TBC1D1: variants seen among roughly 807,000 people sequenced by gnomAD.
TBC1D1 encodes the protein TBC1 domain family member 1, also known as TBC1 (tre-2/USP6, BUB2, cdc16) domain family, member 1.
Under a neutral mutation model 125.6 loss-of-function variants are expected in TBC1D1, and 89 were observed. That is an observed-to-expected ratio of 0.71 (90% CI 0.60 to 0.85). TBC1D1 has a LOEUF of 0.85. TBC1D1 is among the 40% of genes least tolerant of loss of function. The probability of loss-of-function intolerance (pLI) is 0.00; values close to 1 mark genes in which losing one functional copy is unlikely to be tolerated. For synonymous variants in TBC1D1, 565 were observed against 564.1 expected (o/e 1.00, Z -0.02); for missense variants, 1,377 against 1,469.2 (o/e 0.94, Z 1.03).
At chr4:38,111,118 C>T (rs548984542) in intron 15 of TBC1D1, among the ~76,000 whole-genome samples, 3 of 152,356 alleles carry the variant, frequency 2.0e-5, no homozygotes, top group East Asian at 3.9e-4. Flanking sequence ...TCAGCACTAG[C>T]TTAGTACCTC....
At chr4:38,128,654 G>T (rs1765056829) in intron 18 of TBC1D1, among the ~76,000 whole-genome samples, 1 of 152,180 alleles carries the variant, frequency 6.6e-6, no homozygotes. Context: ...GGTGGCCAAG[G>T]ACAGGGCTCT....
intron 17 of TBC1D1, chr4:38,119,831 AT>A (rs1444792620): frequency 2.3e-6 from 1 of 427,046 alleles, no homozygotes; most frequent in Non-Finnish European, 3.1e-6. Context: ...AGTGAAGAAA[AT>A]TCTACCAAGG....
intron 12 of TBC1D1, among the ~76,000 whole-genome samples, chr4:38,075,718 G>A (rs1413257249): frequency 6.6e-6 from 1 of 152,154 alleles, no homozygotes; most frequent in African/African-American, 2.4e-5. Context: ...TGAGAGGAGG[G>A]AGGGTGGAGG....
chr4:38,066,155 TA>T (rs1342139953), intron 12 of TBC1D1, among the ~76,000 whole-genome samples: 1 of 152,164 alleles, frequency 6.6e-6, no homozygotes, highest in Non-Finnish European at 1.5e-5. Context: ...TTAGTGCTTG[TA>T]CAGTAATGGG....
At chr4:37,947,931 A>G (rs1727049755) in intron 2 of TBC1D1, among the ~76,000 whole-genome samples, 1 of 152,208 alleles carries the variant, frequency 6.6e-6, no homozygotes, top group South Asian at 2.1e-4. Flanking sequence ...AAATAAAAGA[A>G]CAGGGCCTGC....
At chr4:38,057,150 C>G (rs932113442) in intron 12 of TBC1D1, among the ~76,000 whole-genome samples, 1 of 152,134 alleles carries the variant, frequency 6.6e-6, no homozygotes, top group African/African-American at 2.4e-5. Flanking sequence ...TCTAGAGACC[C>G]CTGTCAGCGC....
rs1751231949 is a variant in TBC1D1, at chr4:38,054,125, A to T, written c.1911-74A>T. ...TAGTTGATAATTTAGTGATTTGTTT[A>T]AAAAAATGTTAAGCTAACAAAATCC... On this transcript the variant is annotated intron_variant, in intron 11 of 19. Transcript: ENST00000261439. 6.1e-6 allele frequency: 9 copies of T among 1,485,314 alleles called. No individual in the cohort carries two copies. In the Admixed American group the frequency reaches 9.1e-5, roughly 15 times the overall value. The allele number at this position is 1,485,314 out of a possible 1,614,324, so 92.0% of individuals were successfully genotyped here. A position where few individuals can be genotyped will look rare whatever the true frequency, so the allele number is the denominator to read the frequency against.
rs761054666 is a variant in TBC1D1, at chr4:38,089,917, C to A, written c.2051-15C>A. 1.3e-6 allele frequency: 2 copies of A among 1,548,182 alleles called. No individual in the cohort carries two copies. Among genetic ancestry groups the A allele is most frequent in the South Asian group, 2.5e-5 (2 of 81,168 alleles). ...TTGAAAAATGACAATTCTGGAATGCCGTCTCCCTTTCCAGATTATTCAGAG... is the reference window on the plus strand; with the variant it reads ...TTGAAAAATGACAATTCTGGAATGCAGTCTCCCTTTCCAGATTATTCAGAG... On this transcript the variant is annotated splice_polypyrimidine_tract_variant and intron_variant, in intron 12 of 19. Transcript: ENST00000261439.
At chr4:38,011,298 A>G (rs1439835848) in intron 2 of TBC1D1, among the ~76,000 whole-genome samples, 1 of 151,404 alleles carries the variant, frequency 6.6e-6, no homozygotes, top group Middle Eastern at 3.4e-3. Flanking sequence ...GGTTGCAGTG[A>G]GCTGAGATCG....
chr4:38,065,271 G>T (rs1753508938), intron 12 of TBC1D1, among the ~76,000 whole-genome samples: 1 of 152,146 alleles, frequency 6.6e-6, no homozygotes, highest in Admixed American at 6.6e-5. Flanking sequence ...ATTTCTGTCA[G>T]CTGTTTGCAA....
chr4:38,053,129 G>A (rs879251866), intron 11 of TBC1D1: 50 of 1,522,032 alleles, frequency 3.3e-5, no homozygotes, highest in African/African-American at 4.2e-5. Flanking sequence ...AATGCCCTGC[G>A]GAAAAAACTT....
intron 2 of TBC1D1, among the ~76,000 whole-genome samples, chr4:37,987,026 G>T (rs1377445752): frequency 1.3e-5 from 2 of 152,164 alleles, no homozygotes. Flanking sequence ...GAGTGCTCCT[G>T]TTTCCCGGAA....
Position 38,089,995 on chromosome 4 carries a change from C to T in TBC1D1, c.2114C>T (p.Pro705Leu). 1.2e-6 allele frequency: 2 copies of T among 1,613,930 alleles called. No individual in the cohort carries two copies. Among genetic ancestry groups the T allele is most frequent in the Non-Finnish European group, 1.7e-6 (2 of 1,179,950 alleles). ...TTAGAACCAGTTTGTGAAGATGGGC[C>T]CTTTGGCCCCCCACCAGAGGAAAAG... is the stretch of plus-strand genomic sequence containing the variant. The change falls in exon 13 of 20, where the codon CCC becomes CTC. Residue 705 changes from proline to leucine, a missense_variant. By Grantham distance (98) the Pro-to-Leu change is moderately conservative (BLOSUM62 -3). Around this residue, in one of 3 missense-constraint regions of TBC1D1, gnomAD observed 543 missense variants for 613.5 expected, o/e 0.89. Transcript: ENST00000261439.
At position 38,084,548 on chromosome 4, in the gene TBC1D1, A is replaced by G. The variant is rs115713417; in HGVS notation, c.2051-5384A>G. 2.1e-3 allele frequency among the ~76,000 whole-genome samples: 321 copies of G among 152,266 alleles called. 2 individuals are homozygous for G. Among genetic ancestry groups the G allele is most frequent in the African/African-American group, 7.4e-3 (308 of 41,548 alleles). ...ATGACAACATTAAGTCTACATGGTC[A>G]TTTTACTTTGTTTTTTTCTAAGAAA... is the stretch of plus-strand genomic sequence containing the variant. On this transcript the variant is annotated intron_variant, in intron 12 of 19. Transcript: ENST00000261439.
chr4:37,965,452 T>G (rs1206230727), intron 2 of TBC1D1, among the ~76,000 whole-genome samples: 1 of 152,206 alleles, frequency 6.6e-6, no homozygotes, highest in Non-Finnish European at 1.5e-5. Context: ...TATGAAAACA[T>G]CTGGCATGCA....
intron 14 of TBC1D1, among the ~76,000 whole-genome samples, chr4:38,100,644 A>G (rs1760144492): frequency 6.6e-6 from 1 of 152,238 alleles, no homozygotes; most frequent in South Asian, 2.1e-4. Context: ...ATGCTGAGAT[A>G]AAATTACAGA....
chr4:38,092,299 CAA>C (rs565772251), intron 13 of TBC1D1, among the ~76,000 whole-genome samples: 2 of 152,198 alleles, frequency 1.3e-5, no homozygotes, highest in Non-Finnish European at 2.9e-5. Context: ...TTGATAAAAA[CAA>C]GAGTTAAGTT....
At chr4:38,048,546 T>TC in intron 10 of TBC1D1, among the ~76,000 whole-genome samples, 1 of 151,858 alleles carries the variant, frequency 6.6e-6, no homozygotes, top group South Asian at 2.1e-4. Flanking sequence ...CATTTCTTTT[T>TC]TTTTTTTTTT....
intron 12 of TBC1D1, among the ~76,000 whole-genome samples, chr4:38,066,103 C>T (rs746088096): frequency 3.9e-5 from 6 of 152,060 alleles, no homozygotes; most frequent in Admixed American, 6.5e-5. Context: ...GACAGTTTTA[C>T]GAGTAAATTA....
Sources: allele counts gnomAD v4.1 joint callset (sites outside exome capture counted in the v4.1 genomes callset), GRCh38; gene constraint gnomAD v4.1.1; regional missense constraint gnomAD v4.1.1; transcripts MANE v1.5; gene names NCBI Gene and HGNC (gene_info 2026-07-23, HGNC 2026-07-21).